The following RAD51B variants were observed in gnomAD, a reference collection of about 807,000 sequenced individuals.
The protein encoded by RAD51B is RAD51 paralog B.
A neutral mutation model predicts 42.2 loss-of-function variants in RAD51B; 38 were observed. That is an observed-to-expected ratio of 0.90 (90% CI 0.70 to 1.18). The LOEUF is 1.18. RAD51B is among the 50% of genes most tolerant of loss of function. The pLI is 0.00. For missense variants in RAD51B, 373 were observed against 400.7 expected (o/e 0.93, Z 0.59); for synonymous variants, 154 against 145.2 (o/e 1.06, Z -0.43).
At chr14:68,466,942 C>T (rs965058008) in intron 9 of RAD51B, among the ~76,000 whole-genome samples, 1 of 152,214 alleles carries the variant, frequency 6.6e-6, no homozygotes, top group Non-Finnish European at 1.5e-5. Context: ...CACCACTTCT[C>T]ATAGTTGACA....
chr14:68,302,489 G>T (rs2139695388), intron 8 of RAD51B, among the ~76,000 whole-genome samples: 1 of 43,690 alleles, frequency 2.3e-5, no homozygotes, highest in South Asian at 1.1e-3. Context: ...CCCCGTCATG[G>T]AATCCAGGCA....
At chr14:68,429,061 A>G (rs1338871293) in intron 9 of RAD51B, among the ~76,000 whole-genome samples, 3 of 152,024 alleles carry the variant, frequency 2.0e-5, no homozygotes, top group East Asian at 1.9e-4. Context: ...AGCTTCATCC[A>G]TGTCCCTACA....
chr14:68,663,849 G>A (rs1892983504), intron 11 of RAD51B, among the ~76,000 whole-genome samples: 1 of 152,208 alleles, frequency 6.6e-6, no homozygotes, highest in Admixed American at 6.5e-5. Context: ...TTTCTCTTCT[G>A]TAAAATGGGA....
At chr14:67,953,709 C>T (rs907753807) in intron 7 of RAD51B, among the ~76,000 whole-genome samples, 2 of 152,048 alleles carry the variant, frequency 1.3e-5, no homozygotes, top group Admixed American at 6.6e-5. Flanking sequence ...ATCGGTAGAA[C>T]TGAGCCATGA....
At chr14:67,948,945 A>AC (rs1216481038) in intron 7 of RAD51B, among the ~76,000 whole-genome samples, 1 of 150,214 alleles carries the variant, frequency 6.7e-6, no homozygotes, top group African/African-American at 2.4e-5. Context: ...AAAAAAAAAA[A>AC]AAAAAAAAAA....
intron 11 of RAD51B, among the ~76,000 whole-genome samples, chr14:68,670,820 C>T (rs1311401717): frequency 6.6e-6 from 1 of 152,108 alleles, no homozygotes; most frequent in Non-Finnish European, 1.5e-5. Context: ...ATTTCAGTAC[C>T]AAAGACCCTT....
At chr14:68,302,635 C>G (rs1245811381) in intron 8 of RAD51B, among the ~76,000 whole-genome samples, 1 of 152,090 alleles carries the variant, frequency 6.6e-6, no homozygotes, top group Admixed American at 6.6e-5. Flanking sequence ...GATGAGAGCC[C>G]CAAACAGAGA....
intron 3 of RAD51B, among the ~76,000 whole-genome samples, chr14:67,826,095 G>A (rs2040824521): frequency 6.6e-6 from 1 of 152,116 alleles, no homozygotes; most frequent in South Asian, 2.1e-4. Context: ...GGGAATTAGG[G>A]AGCAACAGAA....
chr14:68,631,679 C>T (rs952845419), intron 10 of RAD51B, among the ~76,000 whole-genome samples: 6 of 152,158 alleles, frequency 3.9e-5, no homozygotes, highest in Non-Finnish European at 7.4e-5. Flanking sequence ...CCCAGCTCTC[C>T]CTGGGGGCCA....
intron 7 of RAD51B, among the ~76,000 whole-genome samples, chr14:68,110,613 T>C (rs1413791625): frequency 2.0e-5 from 3 of 152,106 alleles, no homozygotes; most frequent in Non-Finnish European, 2.9e-5. Context: ...CTAAACACCC[T>C]AATAACATTA....
chr14:68,153,689 A>T lies in RAD51B; in HGVS notation c.757-138195A>T, dbSNP rs1360849603. 3.3e-5 allele frequency among the ~76,000 whole-genome samples: 5 copies of T among 151,890 alleles called. No homozygotes were observed. In the East Asian group the frequency reaches 9.6e-4, roughly 29 times the overall value. On this transcript the variant is annotated intron_variant, in intron 7 of 10. Coordinates refer to ENST00000471583, the MANE Select transcript of RAD51B (RefSeq NM_133510.4). The stretch of plus-strand genomic sequence containing the variant: ...TTTAATGGGGTTGTTTTTTTCTTGT[A>T]AATTCATTTACATTTCTTATATATG...
chr14:68,405,476 A>G (rs2084245241), intron 8 of RAD51B, among the ~76,000 whole-genome samples: 1 of 152,160 alleles, frequency 6.6e-6, no homozygotes, highest in African/African-American at 2.4e-5. Context: ...TTTCATTATC[A>G]TTAACTTTCA....
At chr14:67,919,058 T>C (rs1025676199) in intron 7 of RAD51B, among the ~76,000 whole-genome samples, 6 of 152,132 alleles carry the variant, frequency 3.9e-5, no homozygotes, top group Non-Finnish European at 7.4e-5. Context: ...TAGTACAGAT[T>C]GGAGCAGGAA....
At chr14:68,129,428 A>G (rs894857368) in intron 7 of RAD51B, among the ~76,000 whole-genome samples, 14 of 152,208 alleles carry the variant, frequency 9.2e-5, no homozygotes, top group African/African-American at 3.4e-4. Context: ...TAGTTTAACT[A>G]CAACTGCTAC....
chr14:68,221,943 C>A (rs567523158), intron 7 of RAD51B, among the ~76,000 whole-genome samples: 113 of 152,266 alleles, frequency 7.4e-4, no homozygotes, highest in Admixed American at 1.4e-3. Context: ...AAAAAATGCT[C>A]AACACCACTA....
chr14:67,841,687 T>G (rs1594983082), intron 4 of RAD51B, among the ~76,000 whole-genome samples: 1 of 58,158 alleles, frequency 1.7e-5, no homozygotes, highest in Non-Finnish European at 3.6e-5. Context: ...CCTTTCCCCA[T>G]TTTTTTATTT....
At chr14:67,884,096 T>C (rs1361784527) in intron 5 of RAD51B, among the ~76,000 whole-genome samples, 1 of 152,206 alleles carries the variant, frequency 6.6e-6, no homozygotes, top group Admixed American at 6.5e-5. Flanking sequence ...TGGTTTTTGA[T>C]TTATATATTT....
intron 7 of RAD51B, among the ~76,000 whole-genome samples, chr14:68,092,810 C>T (rs923501144): frequency 9.9e-5 from 15 of 152,100 alleles, no homozygotes; most frequent in African/African-American, 3.6e-4. Flanking sequence ...AGTTTTTGTC[C>T]GTTCAGTATG....
Position 68,243,104 on chromosome 14 carries a change from C to T in RAD51B, c.757-48780C>T, listed in dbSNP as rs1383493056. Among the ~76,000 whole-genome samples the T allele has an allele frequency of 7.2e-5, 11 of 152,138 alleles. No individual in the cohort carries two copies. The East Asian group carries it at 2.1e-3, about 29-fold the overall frequency. ...TATTTATTACTGTTATTAAGATGTG[C>T]TCTCCGGAATTAATTTACATCTAAA... On this transcript the variant is annotated intron_variant, in intron 7 of 10. Coordinates refer to ENST00000471583, the MANE Select transcript of RAD51B (RefSeq NM_133510.4).
Sources: allele counts gnomAD v4.1 joint callset (sites outside exome capture counted in the v4.1 genomes callset), GRCh38; gene constraint gnomAD v4.1.1; transcripts MANE v1.5; gene names NCBI Gene and HGNC (gene_info 2026-07-23, HGNC 2026-07-21).